ASIP: variants seen among roughly 807,000 people sequenced by gnomAD.
ASIP encodes agouti-signaling protein.
A neutral mutation model predicts 10.3 loss-of-function variants in ASIP; 11 were observed. The ratio of observed to expected loss-of-function variants is 1.07; its 90% confidence interval spans 0.68 to 1.78. The LOEUF is 1.78. ASIP is among the 40% of genes most tolerant of loss of function. The pLI is 0.00. For missense variants in ASIP, 180 were observed against 169.2 expected (o/e 1.06, Z -0.35); for synonymous variants, 70 against 70.8 (o/e 0.99, Z 0.06).
chr20:34,259,961 A>G (rs819135), intron 1 of ASIP, among the ~76,000 whole-genome samples: 87,788 of 151,592 alleles, frequency 0.58, 28,439 homozygotes, highest in African/African-American at 0.89. Context: ...CTTATTCTGT[A>G]CATCTTAATA....
chr20:34,260,412 T>C lies in ASIP; in HGVS notation c.38T>C (p.Val13Ala), dbSNP rs2296151. 1,696 of 1,614,086 alleles carry C rather than the reference T, an allele frequency of 1.1e-3. 63 individuals are homozygous for C. In the East Asian group the frequency reaches 0.037, roughly 36 times the overall value. The change falls in exon 2 of 4, where the codon GTC becomes GCC. Residue 13 changes from valine (V) to alanine (A), a missense_variant. Physicochemically the swap from Val to Ala is moderately conservative, Grantham distance 64. Transcript: ENST00000374954. ...CGCTTACTCCTGGCCACCCTGCTGG[T>C]CTTCCTCTGCTTCTTCACTGCCAAC... is the stretch of plus-strand genomic sequence containing the variant. Reference protein sequence around the residue: ...VTRLLLATLLVFLCFFTANSH... With the variant: ...VTRLLLATLLAFLCFFTANSH...
At chr20:34,240,863 A>G (rs61112885), upstream of ASIP, among the ~76,000 whole-genome samples, 55 of 152,298 alleles carry the variant, frequency 3.6e-4, no homozygotes, top group African/African-American at 1.3e-3. Flanking sequence ...CCAATTCTAA[A>G]GAATTGGGAG....
intron 1 of ASIP, among the ~76,000 whole-genome samples, chr20:34,223,847 G>T (rs1220907636): frequency 9.3e-6 from 1 of 107,040 alleles, no homozygotes; most frequent in African/African-American, 4.5e-5. Context: ...AGTAGACATG[G>T]GAGACTTTTC....
intron 1 of ASIP, among the ~76,000 whole-genome samples, chr20:34,221,334 C>T (rs1321744001): frequency 2.0e-5 from 3 of 151,430 alleles, no homozygotes; most frequent in Non-Finnish European, 4.4e-5. Context: ...GCCGAGATCG[C>T]GCCACTGCAC....
At chr20:34,235,856 G>GAAAGA (rs1568756131) in intron 1 of ASIP, among the ~76,000 whole-genome samples, 1 of 42,514 alleles carries the variant, frequency 2.4e-5, no homozygotes, top group African/African-American at 3.4e-4. Flanking sequence ...AAGGAAGGAA[G>GAAAGA]GAAGGAAGGA....
intron 1 of ASIP, among the ~76,000 whole-genome samples, chr20:34,254,928 TGTATGGTTCTACCA>T (rs2035542832): frequency 6.6e-6 from 1 of 152,188 alleles, no homozygotes; most frequent in Non-Finnish European, 1.5e-5. Context: ...TCAGTCCAAC[TGTATGGTTCTACCA>T]GGAGAACTGT....
intron 1 of ASIP, among the ~76,000 whole-genome samples, chr20:34,245,698 A>AAT (rs1231526382): frequency 6.6e-6 from 1 of 151,782 alleles, no homozygotes; most frequent in Non-Finnish European, 1.5e-5. Context: ...AAATGACCAA[A>AAT]ATTTTTTATT....
chr20:34,196,868 C>T (rs1362843889), intron 1 of ASIP, among the ~76,000 whole-genome samples: 1 of 152,206 alleles, frequency 6.6e-6, no homozygotes, highest in Non-Finnish European at 1.5e-5. Flanking sequence ...CTATAAATTG[C>T]CTGCTAGAGA....
chr20:34,200,017 A>AAT (rs773030630), intron 1 of ASIP, among the ~76,000 whole-genome samples: 4 of 152,104 alleles, frequency 2.6e-5, no homozygotes, highest in African/African-American at 7.2e-5. Context: ...CATGCTCTTT[A>AAT]ATATATATTG....
At chr20:34,192,178 A>G (rs946761658), upstream of ASIP, among the ~76,000 whole-genome samples, 1 of 152,140 alleles carries the variant, frequency 6.6e-6, no homozygotes, top group African/African-American at 2.4e-5. Flanking sequence ...CTGGGATTAC[A>G]GGCATGAGCC....
At chr20:34,209,799 G>A (rs1042345987) in intron 1 of ASIP, among the ~76,000 whole-genome samples, 1 of 152,196 alleles carries the variant, frequency 6.6e-6, no homozygotes, top group Non-Finnish European at 1.5e-5. Flanking sequence ...TGATAACCTG[G>A]GTGCGATGGA....
At chr20:34,236,393 A>T (rs1388260824) in intron 1 of ASIP, among the ~76,000 whole-genome samples, 2 of 152,076 alleles carry the variant, frequency 1.3e-5, no homozygotes, top group African/African-American at 2.4e-5. Context: ...TACACAAAAA[A>T]ATTAGCCAGG....
chr20:34,201,263 A>G (rs896316023), intron 1 of ASIP, among the ~76,000 whole-genome samples: 3 of 152,078 alleles, frequency 2.0e-5, no homozygotes, highest in African/African-American at 7.2e-5. Flanking sequence ...TGGACACACA[A>G]GAGTTGATAA....
At chr20:34,206,802 C>A (rs1601571443) in intron 1 of ASIP, among the ~76,000 whole-genome samples, 1 of 152,192 alleles carries the variant, frequency 6.6e-6, no homozygotes, top group Non-Finnish European at 1.5e-5. Flanking sequence ...TGGTCTCAAA[C>A]TTCTCCTGAC....
intron 3 of ASIP, among the ~76,000 whole-genome samples, chr20:34,265,180 C>T (rs1324190266): frequency 2.6e-5 from 4 of 152,144 alleles, no homozygotes; most frequent in African/African-American, 4.8e-5. Flanking sequence ...AGTAAGGCTT[C>T]CTTCTGGCCA....
chr20:34,255,494 C>A (rs906139021), intron 1 of ASIP, among the ~76,000 whole-genome samples: 2 of 151,746 alleles, frequency 1.3e-5, no homozygotes, highest in South Asian at 4.2e-4. Context: ...GGCAAGAGAC[C>A]GAGGGCACAA....
intron 1 of ASIP, among the ~76,000 whole-genome samples, chr20:34,211,587 C>T (rs192444564): frequency 9.2e-5 from 14 of 152,256 alleles, no homozygotes; most frequent in East Asian, 7.7e-4. Flanking sequence ...TATGGGTCTA[C>T]GGGTGACAAA....
intron 1 of ASIP, among the ~76,000 whole-genome samples, chr20:34,226,749 C>T (rs2122572272): frequency 6.6e-6 from 1 of 152,264 alleles, no homozygotes; most frequent in Admixed American, 6.5e-5. Context: ...AACTTACATA[C>T]TTAATTTTTT....
intron 1 of ASIP, among the ~76,000 whole-genome samples, chr20:34,232,480 C>A (rs1029404247): frequency 6.6e-6 from 1 of 152,090 alleles, no homozygotes; most frequent in Non-Finnish European, 1.5e-5. Context: ...ACAGCATAGA[C>A]CACTGTCAAT....
Sources: gnomAD v4.1 joint callset for allele counts (sites outside exome capture counted in the v4.1 genomes callset) on GRCh38, gnomAD v4.1.1 for gene constraint, MANE v1.5 for transcripts, NCBI Gene and HGNC (gene_info 2026-07-23, HGNC 2026-07-21) for gene names.